PKHD1: variants seen among roughly 807,000 people sequenced by gnomAD.
The protein encoded by PKHD1 is PKHD1 ciliary IPT domain containing fibrocystin/polyductin, also known as fibrocystin.
A neutral mutation model predicts 412.0 loss-of-function variants in PKHD1; 291 were observed. The ratio of observed to expected loss-of-function variants is 0.71; its 90% confidence interval spans 0.64 to 0.78. PKHD1 has a LOEUF of 0.78. Among genes scored for constraint, PKHD1 ranks in the 30% least tolerant of loss-of-function variants. The pLI is 0.00. For missense variants in PKHD1, 4,825 were observed against 4,950.7 expected (o/e 0.97, Z 0.76); for synonymous variants, 1,777 against 1,821.5 (o/e 0.98, Z 0.62).
intron 51 of PKHD1, among the ~76,000 whole-genome samples, chr6:51,832,080 G>C (rs970239014): frequency 1.3e-5 from 2 of 152,058 alleles, no homozygotes; most frequent in Non-Finnish European, 2.9e-5. Context: ...TATTAGAACT[G>C]CCCTTAAAAA....
At chr6:51,786,596 C>T (rs1262509928) in intron 53 of PKHD1, among the ~76,000 whole-genome samples, 1 of 152,186 alleles carries the variant, frequency 6.6e-6, no homozygotes. Flanking sequence ...ACATACCCAT[C>T]CCCTACAGTT....
chr6:51,881,641 A>T (rs1562523003), intron 46 of PKHD1, among the ~76,000 whole-genome samples: 1 of 152,184 alleles, frequency 6.6e-6, no homozygotes, highest in African/African-American at 2.4e-5. Flanking sequence ...TTTGACCAGG[A>T]GTGGGAGGAT....
At chr6:51,712,530 TATTG>T (rs1450872450) in intron 60 of PKHD1, among the ~76,000 whole-genome samples, 1 of 152,218 alleles carries the variant, frequency 6.6e-6, no homozygotes, top group East Asian at 1.9e-4. Context: ...CTAATTTTAA[TATTG>T]ATTATTTTTA....
At chr6:51,825,743 T>C (rs1562397918) in intron 52 of PKHD1, among the ~76,000 whole-genome samples, 2 of 152,162 alleles carry the variant, frequency 1.3e-5, no homozygotes, top group South Asian at 4.1e-4. Context: ...GTTTGCCAGG[T>C]AATGATACAG....
intron 63 of PKHD1, among the ~76,000 whole-genome samples, chr6:51,645,582 C>T (rs557565192): frequency 3.3e-5 from 5 of 152,064 alleles, no homozygotes; most frequent in South Asian, 2.1e-4. Flanking sequence ...TTAGTAGAGA[C>T]GGCGTTTCAC....
chr6:51,744,391 T>G lies in PKHD1; in HGVS notation c.10150A>C (p.Asn3384His), dbSNP rs752841263. The G allele has an allele frequency of 8.7e-6, 14 of 1,613,764 alleles. No individual in the cohort carries two copies. In the Admixed American group the frequency reaches 1.3e-4, roughly 15 times the overall value. Residue 3384 changes from asparagine (N) to histidine (H), a missense_variant, in exon 60 of 67, where the codon AAC (asparagine) becomes CAC (histidine). Transcript: ENST00000371117. ...TEAEWTASFF[N>H]AGTFREEQKC... is the part of the protein sequence containing the mutation. ...GCATTCAGATATAGCTTACCTGCGTTGAAGAAGGATGCAGTCCATTCTGCC... is the reference window on the plus strand; with the variant it reads ...GCATTCAGATATAGCTTACCTGCGTGGAAGAAGGATGCAGTCCATTCTGCC...
chr6:51,821,843 C>A (rs1430737751), intron 52 of PKHD1, among the ~76,000 whole-genome samples: 1 of 152,130 alleles, frequency 6.6e-6, no homozygotes, highest in African/African-American at 2.4e-5. Flanking sequence ...CACACCACCA[C>A]ACCAGGCTAA....
chr6:51,863,196 G>C (rs764656166), intron 48 of PKHD1, among the ~76,000 whole-genome samples: 3 of 152,160 alleles, frequency 2.0e-5, no homozygotes, highest in Non-Finnish European at 4.4e-5. Flanking sequence ...ACCCACAAAG[G>C]ATTGTTAATT....
chr6:51,796,573 T>C (rs1185824886), intron 52 of PKHD1, among the ~76,000 whole-genome samples: 1 of 152,100 alleles, frequency 6.6e-6, no homozygotes, highest in Non-Finnish European at 1.5e-5. Flanking sequence ...TCTCTAGTTC[T>C]TTTAGTTGTA....
In PKHD1 at chr6:51,836,285, T is replaced by C. The variant is rs1769202952; in HGVS notation, c.8173+119A>G. 4.0e-6 allele frequency: 3 copies of C among 751,992 alleles called. No homozygotes were observed. In the Admixed American group the frequency reaches 5.6e-5, roughly 14 times the overall value. The allele number at this position is 751,992 out of a possible 1,614,324, so 46.6% of individuals were successfully genotyped here. The stretch of plus-strand genomic sequence containing the variant: ...CAACACAATAGAGAGTTATCAGACA[T>C]ATAAGCTTTAGGACTGATACCTGCC... On this transcript the variant is annotated intron_variant, in intron 51 of 66. Coordinates refer to ENST00000371117, the MANE Select transcript of PKHD1 (RefSeq NM_138694.4).
chr6:51,619,691 A>G (rs1000020671), intron 66 of PKHD1, among the ~76,000 whole-genome samples, 171 bp from the exon 67 acceptor site: 16 of 152,224 alleles, frequency 1.1e-4, no homozygotes, highest in East Asian at 1.9e-4. Context: ...GTAATAAAAA[A>G]TTGGTAATAC....
chr6:51,890,622 G>A (rs978907950), intron 43 of PKHD1, among the ~76,000 whole-genome samples: 3 of 151,790 alleles, frequency 2.0e-5, no homozygotes, highest in South Asian at 4.2e-4. Context: ...AGAGCATCTT[G>A]CAGGCCAGAT....
intron 57 of PKHD1, 110 bp downstream of exon 57, chr6:51,753,091 C>T: frequency 2.1e-6 from 2 of 947,084 alleles, no homozygotes; most frequent in South Asian, 3.0e-5. Context: ...GGAACTATCT[C>T]ATTTGAACAT....
At chr6:51,925,734 C>T (rs1045054878) in intron 37 of PKHD1, among the ~76,000 whole-genome samples, 1 of 152,044 alleles carries the variant, frequency 6.6e-6, no homozygotes, top group African/African-American at 2.4e-5. Context: ...GGTTCTTACG[C>T]CTTTGGACTT....
chr6:51,657,417 T>C (rs1219498274), intron 61 of PKHD1, among the ~76,000 whole-genome samples: 1 of 152,132 alleles, frequency 6.6e-6, no homozygotes, highest in Admixed American at 6.6e-5. Flanking sequence ...TGTTCAGACA[T>C]ACTTAAGAAG....
intron 60 of PKHD1, among the ~76,000 whole-genome samples, chr6:51,704,811 T>C (rs1166834478): frequency 6.6e-6 from 1 of 152,060 alleles, no homozygotes; most frequent in East Asian, 1.9e-4. Context: ...GATAGGGATT[T>C]GGGATCTTCA....
chr6:51,723,052 T>C (rs1048152253), intron 60 of PKHD1, among the ~76,000 whole-genome samples: 10 of 152,234 alleles, frequency 6.6e-5, no homozygotes, highest in African/African-American at 2.4e-4. Context: ...CTAGCTAATT[T>C]TTTATTGAAA....
intron 52 of PKHD1, among the ~76,000 whole-genome samples, chr6:51,814,473 A>C (rs569686986): frequency 1.2e-4 from 19 of 152,336 alleles, no homozygotes; most frequent in African/African-American, 4.6e-4. Context: ...CATCCACACT[A>C]TACAAATGAG....
chr6:51,835,409 A>G lies in PKHD1; in HGVS notation c.8173+995T>C, dbSNP rs184116329. ...AGAAAACTATCCTTTTCCTTATAAC[A>G]GTAATTTTTAAACAACTGTATTAAT... On this transcript the variant is annotated intron_variant, in intron 51 of 66. Transcript: ENST00000371117. Among the ~76,000 whole-genome samples the G allele has an allele frequency of 3.7e-4, 57 of 152,340 alleles. 1 individual carries two copies. In the East Asian group the frequency reaches 0.01, roughly 28 times the overall value.
Sources: allele counts gnomAD v4.1 joint callset (sites outside exome capture counted in the v4.1 genomes callset), GRCh38; gene constraint gnomAD v4.1.1; transcripts MANE v1.5; gene names NCBI Gene and HGNC (gene_info 2026-07-23, HGNC 2026-07-21).